SPOCK3: variants seen among roughly 807,000 people sequenced by gnomAD.
SPOCK3 encodes testican-3.
SPOCK3 carries 30 observed loss-of-function variants against 56.6 expected under a neutral mutation model. The observed-to-expected ratio is 0.53, with a 90% CI of 0.40 to 0.72. SPOCK3 has a LOEUF of 0.72. Ranked by LOEUF, SPOCK3 falls within the 30% of genes least tolerant of loss-of-function variation. SPOCK3 has a pLI of 0.00. For missense variants in SPOCK3, 527 were observed against 530.0 expected (o/e 0.99, Z 0.06); for synonymous variants, 196 against 183.3 (o/e 1.07, Z -0.56).
chr4:167,113,175 T>A (rs967903208), intron 2 of SPOCK3, among the ~76,000 whole-genome samples: 2 of 152,294 alleles, frequency 1.3e-5, no homozygotes, highest in Admixed American at 1.3e-4. Context: ...TGAGCTTTTT[T>A]AATCTCACTT....
chr4:166,739,821 C>T (rs981376671), intron 9 of SPOCK3, among the ~76,000 whole-genome samples: 3 of 151,810 alleles, frequency 2.0e-5, no homozygotes, highest in African/African-American at 7.3e-5. Flanking sequence ...CATAACTTCA[C>T]TATCTCAAAA....
intron 6 of SPOCK3, among the ~76,000 whole-genome samples, chr4:166,850,493 T>C (rs1415138249): frequency 6.6e-6 from 1 of 152,222 alleles, no homozygotes. Flanking sequence ...ACAGCTCCCA[T>C]CTACAGCTCC....
chr4:166,968,645 G>T (rs4446346), intron 4 of SPOCK3, among the ~76,000 whole-genome samples: 16,686 of 138,206 alleles, frequency 0.12, 1,062 homozygotes, highest in East Asian at 0.16. Flanking sequence ...AGATTTCAGA[G>T]GATTTATTAA....
chr4:166,814,380 T>G (rs1744173305), intron 6 of SPOCK3, among the ~76,000 whole-genome samples: 1 of 152,048 alleles, frequency 6.6e-6, no homozygotes, highest in South Asian at 2.1e-4. Flanking sequence ...CATGAGGGTG[T>G]TGCCAGAGGA....
intron 4 of SPOCK3, among the ~76,000 whole-genome samples, chr4:166,995,312 A>G (rs1054477773): frequency 1.3e-5 from 2 of 152,008 alleles, no homozygotes; most frequent in African/African-American, 4.8e-5. Flanking sequence ...AAGTTTAGTT[A>G]TGATCTATCT....
chr4:167,229,153 A>T (rs1736885526), intron 2 of SPOCK3, among the ~76,000 whole-genome samples: 2 of 152,194 alleles, frequency 1.3e-5, no homozygotes, highest in African/African-American at 4.8e-5. Context: ...GATATCCATT[A>T]TTGAGAAAGC....
intron 2 of SPOCK3, among the ~76,000 whole-genome samples, chr4:167,182,055 T>C (rs116801006): frequency 0.01 from 1,591 of 152,282 alleles, 17 homozygotes; most frequent in Non-Finnish European, 0.018. Context: ...TTTTTTAAGC[T>C]ACTGTCTTTT....
chr4:166,773,541 AACTCTTAAG>A (rs1241008441), intron 7 of SPOCK3, among the ~76,000 whole-genome samples: 1 of 152,198 alleles, frequency 6.6e-6, no homozygotes, highest in Non-Finnish European at 1.5e-5. Context: ...GATAATACTT[AACTCTTAAG>A]ACATTTTACA....
chr4:166,914,937 T>A (rs900658110), intron 4 of SPOCK3, among the ~76,000 whole-genome samples: 1 of 152,170 alleles, frequency 6.6e-6, no homozygotes, highest in Admixed American at 6.6e-5. Flanking sequence ...CATGTTCATA[T>A]TCTTTTTTTT....
intron 6 of SPOCK3, among the ~76,000 whole-genome samples, chr4:166,843,004 G>A (rs1157989073): frequency 2.0e-5 from 3 of 152,222 alleles, no homozygotes; most frequent in Non-Finnish European, 4.4e-5. Flanking sequence ...GAGAATTCGA[G>A]CGTGTCCCCA....
At chr4:167,118,278 C>T (rs1761593999) in intron 2 of SPOCK3, among the ~76,000 whole-genome samples, 1 of 152,138 alleles carries the variant, frequency 6.6e-6, no homozygotes, top group African/African-American at 2.4e-5. Flanking sequence ...GAGAATCACA[C>T]ATCTTATTTA....
chr4:167,174,283 AT>A (rs1730771174), intron 2 of SPOCK3, among the ~76,000 whole-genome samples: 1 of 152,028 alleles, frequency 6.6e-6, no homozygotes, highest in African/African-American at 2.4e-5. Context: ...ATCATACTGT[AT>A]TTTTTAAAGG....
At chr4:167,218,356 C>T (rs1451755608) in intron 2 of SPOCK3, among the ~76,000 whole-genome samples, 1 of 152,118 alleles carries the variant, frequency 6.6e-6, no homozygotes, top group Non-Finnish European at 1.5e-5. Context: ...ACCAGGGGTG[C>T]TTTTGTCACC....
At chr4:166,957,420 C>T (rs988421344) in intron 4 of SPOCK3, among the ~76,000 whole-genome samples, 9 of 152,214 alleles carry the variant, frequency 5.9e-5, no homozygotes, top group Admixed American at 3.9e-4. Flanking sequence ...AGTAATAATA[C>T]ATCAGCCTGA....
chr4:166,812,261 A>G (rs1351114282), intron 6 of SPOCK3, among the ~76,000 whole-genome samples: 1 of 151,902 alleles, frequency 6.6e-6, no homozygotes, highest in African/African-American at 2.4e-5. Context: ...CTATGACCCA[A>G]TATATGAGAT....
chr4:166,992,050 CA>C (rs1747846633), intron 4 of SPOCK3, among the ~76,000 whole-genome samples: 1 of 152,040 alleles, frequency 6.6e-6, no homozygotes, highest in East Asian at 1.9e-4. Context: ...TACAGCCATT[CA>C]AAGAAATGAG....
intron 4 of SPOCK3, among the ~76,000 whole-genome samples, chr4:166,934,149 C>G (rs1740101714): frequency 1.3e-5 from 2 of 151,858 alleles, no homozygotes; most frequent in Admixed American, 6.6e-5. Flanking sequence ...AAAATGAGTT[C>G]AAAATAGTAG....
chr4:166,972,690 C>T (rs1745516628), intron 4 of SPOCK3, among the ~76,000 whole-genome samples: 1 of 151,970 alleles, frequency 6.6e-6, no homozygotes, highest in Non-Finnish European at 1.5e-5. Flanking sequence ...AAAGCAAGCA[C>T]ATGCTGGTTA....
At chr4:167,119,897 CA>C in intron 2 of SPOCK3, 8 of 1,412,942 alleles carry the variant, frequency 5.7e-6, no homozygotes, top group Admixed American at 2.8e-5. Flanking sequence ...AGGTTTCAAC[CA>C]AAAAAGAAAA....
Sources: gnomAD v4.1 joint callset for allele counts (sites outside exome capture counted in the v4.1 genomes callset) on GRCh38, gnomAD v4.1.1 for gene constraint, MANE v1.5 for transcripts, NCBI Gene and HGNC (gene_info 2026-07-23, HGNC 2026-07-21) for gene names.